ACOXL: variants seen among roughly 807,000 people sequenced by gnomAD.
The protein encoded by ACOXL is acyl-coenzyme A oxidase-like protein.
ACOXL carries 70 observed loss-of-function variants against 71.9 expected under a neutral mutation model. The ratio of observed to expected loss-of-function variants is 0.97; its 90% CI spans 0.80 to 1.19. ACOXL has a LOEUF of 1.19. ACOXL is among the 50% of genes most tolerant of loss of function. ACOXL has a pLI of 0.00. For missense variants in ACOXL, 703 were observed against 736.3 expected (o/e 0.95, Z 0.52); for synonymous variants, 253 against 281.6 (o/e 0.90, Z 1.02).
intron 12 of ACOXL, among the ~76,000 whole-genome samples, chr2:110,955,277 T>C (rs1463873578): frequency 3.3e-5 from 5 of 152,030 alleles, no homozygotes; most frequent in Non-Finnish European, 7.4e-5. Context: ...GATTTTTTAA[T>C]CTTCTGCTTG....
intron 17 of ACOXL, among the ~76,000 whole-genome samples, chr2:111,103,629 C>A (rs1227672160): frequency 6.6e-6 from 1 of 152,138 alleles, no homozygotes; most frequent in Non-Finnish European, 1.5e-5. Flanking sequence ...TGAGTGAGTT[C>A]CTTTTGTGAT....
rs146785229 is a variant in ACOXL, at chr2:111,010,531, A to C, written c.1281+14527A>C. Among the ~76,000 whole-genome samples, 140 of 152,280 alleles carry C rather than the reference A, an allele frequency of 9.2e-4. 2 individuals are homozygous for C. In the East Asian group the frequency reaches 0.025, roughly 27 times the overall value. ...GGAGATGAGAGAGAGAATAGCATAG[A>C]AAAAGGATTAGCCAAATATTTTTTA... On this transcript the variant is annotated intron_variant, in intron 14 of 17. Coordinates refer to ENST00000439055, the MANE Select transcript of ACOXL (RefSeq NM_001142807.4).
intron 9 of ACOXL, among the ~76,000 whole-genome samples, chr2:110,830,835 G>T (rs1689746105): frequency 6.6e-6 from 1 of 151,908 alleles, no homozygotes; most frequent in African/African-American, 2.4e-5. Flanking sequence ...GCCTGGCCTG[G>T]TACAAATTTG....
chr2:110,741,946 TTTTCTTGCGAGTC>T (rs1677600383), intron 1 of ACOXL, among the ~76,000 whole-genome samples: 1 of 152,246 alleles, frequency 6.6e-6, no homozygotes, highest in African/African-American at 2.4e-5. Context: ...TGATTGCACG[TTTTCTTGCGAGTC>T]TCACAAACCT....
intron 11 of ACOXL, among the ~76,000 whole-genome samples, chr2:110,930,433 T>C (rs2060438065): frequency 6.6e-6 from 1 of 152,250 alleles, no homozygotes; most frequent in African/African-American, 2.4e-5. Context: ...TACAGGCTCA[T>C]AGGTGGAAGG....
chr2:110,910,847 G>A (rs953886730), intron 11 of ACOXL, among the ~76,000 whole-genome samples: 3 of 152,018 alleles, frequency 2.0e-5, no homozygotes, highest in Non-Finnish European at 2.9e-5. Flanking sequence ...ACAAAAACAA[G>A]CACTTACTTA....
intron 17 of ACOXL, among the ~76,000 whole-genome samples, chr2:111,105,314 T>G (rs1483454967): frequency 6.6e-6 from 1 of 152,162 alleles, no homozygotes; most frequent in Non-Finnish European, 1.5e-5. Context: ...CTATTCTAAT[T>G]CCTTTGCCTT....
intron 9 of ACOXL, among the ~76,000 whole-genome samples, chr2:110,834,652 C>G (rs972091877): frequency 6.6e-6 from 1 of 152,176 alleles, no homozygotes; most frequent in African/African-American, 2.4e-5. Context: ...GTTCCTAAAG[C>G]CCATAACCAT....
intron 12 of ACOXL, 148 bp downstream of exon 12, chr2:110,933,790 A>G: frequency 9.9e-7 from 1 of 1,008,940 alleles, no homozygotes; most frequent in African/African-American, 1.6e-5. Flanking sequence ...CCAGCCTCAT[A>G]GTCTTGTGTG....
chr2:110,996,985 G>A (rs1211485839), intron 14 of ACOXL, among the ~76,000 whole-genome samples: 1 of 152,132 alleles, frequency 6.6e-6, no homozygotes, highest in African/African-American at 2.4e-5. Flanking sequence ...TCTGAGGTGA[G>A]GCTGTGCCAG....
intron 10 of ACOXL, among the ~76,000 whole-genome samples, chr2:110,851,707 C>T (rs1692621352): frequency 6.6e-6 from 1 of 152,182 alleles, no homozygotes; most frequent in Non-Finnish European, 1.5e-5. Flanking sequence ...TCCTGAGAGC[C>T]CTCAGGGCGC....
At chr2:110,844,545 C>T (rs1691558176) in intron 10 of ACOXL, among the ~76,000 whole-genome samples, 1 of 144,120 alleles carries the variant, frequency 6.9e-6, no homozygotes, top group African/African-American at 2.5e-5. Flanking sequence ...TTTTTCTTTT[C>T]TTTTCTTTTT....
intron 2 of ACOXL, among the ~76,000 whole-genome samples, chr2:110,778,103 A>T (rs1682874978): frequency 6.6e-6 from 1 of 152,240 alleles, no homozygotes; most frequent in South Asian, 2.1e-4. Flanking sequence ...CTTCTGGGCC[A>T]CATTGAACCT....
intron 14 of ACOXL, among the ~76,000 whole-genome samples, chr2:111,001,860 G>C (rs147737136): frequency 2.1e-3 from 323 of 152,332 alleles, no homozygotes; most frequent in Non-Finnish European, 3.3e-3. Context: ...GGCCTTGGAA[G>C]TGTATGTTTT....
At position 110,798,708 on chromosome 2, in the gene ACOXL, A is replaced by G. The variant is rs1451272782; in HGVS notation, c.444A>G (p.Ile148Met). ...NYAAVFAQLI[I>M]DGRSQGPHCF... Reference sequence around the variant, plus strand: ...CAGCTGTCTTTGCCCAGCTCATCATAGATGGAAGATCTCAAGGTTTGTTAC... The same window carrying G: ...CAGCTGTCTTTGCCCAGCTCATCATGGATGGAAGATCTCAAGGTTTGTTAC... Residue 148 changes from isoleucine (I) to methionine (M), a missense_variant, in exon 6 of 18, where the codon ATA (isoleucine) becomes ATG (methionine). Coordinates refer to ENST00000439055, the MANE Select transcript of ACOXL (RefSeq NM_001142807.4). The G allele has an allele frequency of 6.2e-7, 1 of 1,613,976 alleles. No homozygotes were observed. Among genetic ancestry groups the G allele is most frequent in the Admixed American group, 1.7e-5 (1 of 60,006 alleles).
chr2:110,899,063 C>CAA (rs1188755655), intron 10 of ACOXL, among the ~76,000 whole-genome samples: 1 of 152,148 alleles, frequency 6.6e-6, no homozygotes, highest in Non-Finnish European at 1.5e-5. Flanking sequence ...CAACACAACA[C>CAA]TGATGAAAGA....
chr2:110,986,171 A>G (rs1251617971), intron 12 of ACOXL, among the ~76,000 whole-genome samples: 1 of 152,250 alleles, frequency 6.6e-6, no homozygotes, highest in Admixed American at 6.5e-5. Flanking sequence ...ATAGAATTCT[A>G]CATAACAGTG....
At chr2:110,811,718 G>GT (rs1197722327) in intron 9 of ACOXL, among the ~76,000 whole-genome samples, 54 of 69,670 alleles carry the variant, frequency 7.8e-4, no homozygotes, top group Admixed American at 1.5e-3. Context: ...TATCCTTTTT[G>GT]TTTTTTTTGC....
chr2:110,927,846 A>G (rs1418551559), intron 11 of ACOXL, among the ~76,000 whole-genome samples: 1 of 152,168 alleles, frequency 6.6e-6, no homozygotes, highest in Non-Finnish European at 1.5e-5. Flanking sequence ...AAATCATGTG[A>G]TCATCTTTGA....
Sources: allele counts gnomAD v4.1 joint callset (sites outside exome capture counted in the v4.1 genomes callset), GRCh38; gene constraint gnomAD v4.1.1; transcripts MANE v1.5; gene names NCBI Gene and HGNC (gene_info 2026-07-23, HGNC 2026-07-21).